The following CACHD1 variants were observed in gnomAD, a reference collection of about 807,000 sequenced individuals.
CACHD1 encodes the protein VWFA and cache domain-containing protein 1.
In CACHD1, 71 loss-of-function variants were observed where a neutral mutation model predicts 138.7. The observed-to-expected ratio is 0.51, with a 90% CI of 0.42 to 0.62. The LOEUF (loss-of-function observed/expected upper bound fraction) is 0.62. Among genes scored for constraint, CACHD1 ranks in the 20% least tolerant of loss-of-function variants. The probability of loss-of-function intolerance (pLI) is 0.00; values close to 1 mark genes in which losing one functional copy is unlikely to be tolerated. For synonymous variants in CACHD1, 578 were observed against 591.5 expected (o/e 0.98, Z 0.33); for missense variants, 1,389 against 1,625.3 (o/e 0.85, Z 2.50).
Position 64,663,623 on chromosome 1 carries a change from G to A in CACHD1, c.1952-72G>A, listed in dbSNP as rs551210120. 7.3e-5 allele frequency: 115 copies of A among 1,573,172 alleles called. 2 individuals are homozygous for A. In the South Asian group the frequency reaches 1.2e-3, roughly 16 times the overall value. ...CATAGCTGACAGATTGGCAGAGCCC[G>A]AGTGATGCCTTTGTTTGGGATGAGA... On this transcript the variant is annotated intron_variant, in intron 13 of 26. Transcript: ENST00000651257.
Position 64,691,668 on chromosome 1 carries a change from T to G in CACHD1, c.*107T>G. ...CAGCAAGAGACCTCCCTTGTGTTTG[T>G]GCTTTGTGCAGAGTTGTTTGAGTCA... On this transcript the variant is annotated 3_prime_UTR_variant, in exon 27 of 27. Coordinates refer to ENST00000651257, the MANE Select transcript of CACHD1 (RefSeq NM_020925.4). 1.0e-6 allele frequency: 1 copy of G among 990,160 alleles called. No individual in the cohort carries two copies. Among genetic ancestry groups the G allele is most frequent in the Non-Finnish European group, 1.5e-6 (1 of 657,316 alleles). The allele number at this position is 990,160 out of a possible 1,614,324, so 61.3% of individuals were successfully genotyped here. A position where few individuals can be genotyped will look rare whatever the true frequency, so the allele number is the denominator to read the frequency against.
chr1:64,584,954 T>G (rs1647040453), intron 3 of CACHD1, among the ~76,000 whole-genome samples: 1 of 152,174 alleles, frequency 6.6e-6, no homozygotes, highest in African/African-American at 2.4e-5. Flanking sequence ...GGAAATGATT[T>G]TATGAACTTC....
chr1:64,543,376 C>T lies in CACHD1; in HGVS notation c.199-7218C>T, dbSNP rs537221374. ...TTTGAGACCAATCTCAGTGACATAG[C>T]GAGATCCTATCTCTAAAAAAAAATA... is the stretch of plus-strand genomic sequence containing the variant. On this transcript the variant is annotated intron_variant, in intron 1 of 26. Transcript: ENST00000651257. Among the ~76,000 whole-genome samples the T allele has an allele frequency of 7.8e-3, 1,005 of 129,398 alleles. 15 individuals carry two copies. Among genetic ancestry groups the T allele is most frequent in the African/African-American group, 0.029 (944 of 32,010 alleles). 84.9% of individuals were successfully genotyped at this position (129,398 alleles called of 152,430 possible).
At chr1:64,656,741 A>T (rs1649275444) in intron 12 of CACHD1, among the ~76,000 whole-genome samples, 1 of 152,092 alleles carries the variant, frequency 6.6e-6, no homozygotes, top group Non-Finnish European at 1.5e-5. Context: ...TGTTGAGCAG[A>T]TCCCTGTAAG....
At chr1:64,688,702 C>G (rs375337698) in intron 26 of CACHD1, among the ~76,000 whole-genome samples, 1 of 152,066 alleles carries the variant, frequency 6.6e-6, no homozygotes, top group South Asian at 2.1e-4. Flanking sequence ...TAGATCATAG[C>G]TCATAGCTTC....
chr1:64,685,565 A>G (rs909431638), intron 26 of CACHD1, among the ~76,000 whole-genome samples: 1 of 151,776 alleles, frequency 6.6e-6, no homozygotes, highest in Non-Finnish European at 1.5e-5. Context: ...TTTTTTTTCC[A>G]CAAGCTGTTG....
intron 1 of CACHD1, among the ~76,000 whole-genome samples, chr1:64,519,308 G>C (rs1476604398): frequency 2.0e-5 from 3 of 152,158 alleles, no homozygotes; most frequent in Non-Finnish European, 1.5e-5. Flanking sequence ...AGCAGGTTGA[G>C]GTAGTGGAGC....
At chr1:64,660,683 A>G (rs1649414124) in intron 13 of CACHD1, among the ~76,000 whole-genome samples, 1 of 152,012 alleles carries the variant, frequency 6.6e-6, no homozygotes, top group South Asian at 2.1e-4. Context: ...GTTGCGCACC[A>G]CCACGCCCGG....
chr1:64,588,751 T>C (rs751731689), intron 3 of CACHD1, among the ~76,000 whole-genome samples: 2 of 152,224 alleles, frequency 1.3e-5, no homozygotes, highest in African/African-American at 2.4e-5. Flanking sequence ...TCTATAGACG[T>C]TACTACCTGT....
intron 7 of CACHD1, among the ~76,000 whole-genome samples, 195 bp downstream of exon 7, chr1:64,634,455 C>A (rs932391249): frequency 2.6e-5 from 4 of 151,838 alleles, no homozygotes; most frequent in Middle Eastern, 3.2e-3. Flanking sequence ...GTGATCATGG[C>A]TCACTCCAGC....
chr1:64,555,725 T>G (rs1326693088), intron 2 of CACHD1, among the ~76,000 whole-genome samples: 2 of 152,176 alleles, frequency 1.3e-5, no homozygotes, highest in African/African-American at 4.8e-5. Context: ...CTGGCCTCAT[T>G]TAAGTATTTT....
chr1:64,590,659 G>GGTTTTGTTTTGTTTT (rs5774709), intron 3 of CACHD1, among the ~76,000 whole-genome samples: 4 of 151,910 alleles, frequency 2.6e-5, no homozygotes, highest in African/African-American at 9.7e-5. Flanking sequence ...TCAAGTCAAG[G>GGTTTTGTTTTGTTTT]GTTTTGTTTT....
At chr1:64,522,308 A>AT (rs11412205) in intron 1 of CACHD1, among the ~76,000 whole-genome samples, 103,190 of 148,842 alleles carry the variant, frequency 0.69, 39,388 homozygotes, top group Non-Finnish European at 0.85. Context: ...CAACCCCCAC[A>AT]TTTTTTTTTT....
At chr1:64,517,731 A>T (rs148130399) in intron 1 of CACHD1, among the ~76,000 whole-genome samples, 2 of 152,234 alleles carry the variant, frequency 1.3e-5, no homozygotes, top group South Asian at 2.1e-4. Context: ...TAAAATTGTG[A>T]TCATTATCAC....
chr1:64,560,933 C>A (rs943072209), intron 2 of CACHD1, among the ~76,000 whole-genome samples: 1 of 151,926 alleles, frequency 6.6e-6, no homozygotes, highest in Non-Finnish European at 1.5e-5. Flanking sequence ...ATGTTATTCT[C>A]CAGTAATATT....
intron 7 of CACHD1, among the ~76,000 whole-genome samples, chr1:64,637,158 A>G (rs975673354): frequency 2.0e-5 from 3 of 152,250 alleles, no homozygotes; most frequent in African/African-American, 7.2e-5. Context: ...TTCTTCTGTC[A>G]TCAGACCATC....
At chr1:64,675,074 T>G (rs1350786720) in intron 19 of CACHD1, among the ~76,000 whole-genome samples, 4 of 152,230 alleles carry the variant, frequency 2.6e-5, no homozygotes, top group Non-Finnish European at 5.9e-5. Context: ...TATTGCTTCT[T>G]GAAGTATTCA....
chr1:64,603,670 G>A (rs1647259187), intron 4 of CACHD1, among the ~76,000 whole-genome samples: 1 of 152,146 alleles, frequency 6.6e-6, no homozygotes, highest in African/African-American at 2.4e-5. Context: ...CATATACCAA[G>A]GTTGAACTTT....
At chr1:64,648,099 T>C in intron 9 of CACHD1, 65 bp downstream of exon 9, 2 of 1,235,982 alleles carry the variant, frequency 1.6e-6, no homozygotes, top group Non-Finnish European at 2.3e-6. Context: ...AAATGGCACC[T>C]CTTTCTCAGG....
Sources: gnomAD v4.1 joint callset for allele counts (sites outside exome capture counted in the v4.1 genomes callset) on GRCh38, gnomAD v4.1.1 for gene constraint, MANE v1.5 for transcripts, NCBI Gene and HGNC (gene_info 2026-07-23, HGNC 2026-07-21) for gene names.